CFAP74: variants seen among roughly 807,000 people sequenced by gnomAD.
CFAP74 encodes the protein cilia- and flagella-associated protein 74.
Under a neutral mutation model 188.9 loss-of-function variants are expected in CFAP74, and 124 were observed. The ratio of observed to expected loss-of-function variants is 0.66; its 90% confidence interval spans 0.57 to 0.76. CFAP74 has a LOEUF of 0.76. CFAP74 is among the 30% of genes least tolerant of loss of function. The probability of loss-of-function intolerance (pLI) is 0.00; values close to 1 mark genes in which losing one functional copy is unlikely to be tolerated. For missense variants in CFAP74, 2,198 were observed against 2,165.2 expected, an observed-to-expected ratio of 1.02 and a Z score of -0.30; for synonymous variants, 956 against 916.7, an observed-to-expected ratio of 1.04 and a Z score of -0.77.
chr1:1,963,380 G>T (rs1173805273), intron 14 of CFAP74, among the ~76,000 whole-genome samples: 1 of 142,942 alleles, frequency 7.0e-6, no homozygotes, highest in Non-Finnish European at 1.5e-5. Context: ...GAATCCAGGA[G>T]GTAGAGGTTG....
chr1:1,943,913 C>T (rs576571159), intron 21 of CFAP74, among the ~76,000 whole-genome samples: 3 of 152,160 alleles, frequency 2.0e-5, no homozygotes, highest in Non-Finnish European at 2.9e-5. Context: ...GCAGTGTCCC[C>T]GGGCTCGGGG....
At position 1,939,673 on chromosome 1, in the gene CFAP74, T is replaced by C. The variant is rs1270884657; in HGVS notation, c.2798A>G (p.Tyr933Cys). The C allele has an allele frequency of 5.9e-6, 9 of 1,535,896 alleles. No homozygotes were observed. Among genetic ancestry groups the C allele is most frequent in the South Asian group, 3.6e-5 (3 of 84,066 alleles). ...GCTGATTTCCGTCCTGATGGCCTCA[T>C]AGATGGTGCAGTAGCCAAAATCCAC... is the stretch of plus-strand genomic sequence containing the variant. The part of the protein sequence containing the change: ...SEVDFGYCTI[Y>C]EAIRTEISLH... The change falls in exon 24 of 39, where the codon TAT becomes TGT. Residue 933 changes from tyrosine to cysteine, a missense_variant. By Grantham distance (194) the Tyr-to-Cys change is radical. Transcript: ENST00000682832.
intron 10 of CFAP74, among the ~76,000 whole-genome samples, chr1:1,970,440 G>A (rs570615205): frequency 2.0e-4 from 30 of 152,284 alleles, no homozygotes; most frequent in Non-Finnish European, 3.1e-4. Context: ...AGGGTTGGGC[G>A]TGGACTGGAG....
chr1:1,980,779 C>A (rs1360182546), intron 6 of CFAP74, among the ~76,000 whole-genome samples: 1 of 152,192 alleles, frequency 6.6e-6, no homozygotes, highest in Non-Finnish European at 1.5e-5. Flanking sequence ...TCCACGGGGT[C>A]TCTCTCGGGC....
chr1:1,939,536 T>C, intron 24 of CFAP74, 58 bp downstream of exon 24: 1 of 1,477,672 alleles, frequency 6.8e-7, no homozygotes, highest in South Asian at 1.2e-5. Context: ...CGCTGCATCC[T>C]GTCCCCAGGA....
At chr1:1,946,561 G>A in intron 19 of CFAP74, 122 bp from the exon 20 acceptor site, 1 of 1,223,362 alleles carries the variant, frequency 8.2e-7, no homozygotes, top group Non-Finnish European at 1.1e-6. Flanking sequence ...TCCCTGGGTG[G>A]CCACTTGGCC....
intron 18 of CFAP74, among the ~76,000 whole-genome samples, chr1:1,951,628 G>C (rs1328220298): frequency 6.6e-6 from 1 of 152,090 alleles, no homozygotes; most frequent in African/African-American, 2.4e-5. Flanking sequence ...AGGTCCTCTG[G>C]TTTTCCATAT....
chr1:1,930,074 C>A lies in CFAP74; in HGVS notation c.3274G>T (p.Val1092Leu). 6.6e-7 allele frequency: 1 copy of A among 1,523,478 alleles called. No individual in the cohort carries two copies. Among genetic ancestry groups the A allele is most frequent in the Non-Finnish European group, 8.8e-7 (1 of 1,137,500 alleles). The allele number at this position is 1,523,478 out of a possible 1,614,324, so 94.4% of individuals were successfully genotyped here. A position where few individuals can be genotyped will look rare whatever the true frequency, so the allele number is the denominator to read the frequency against. ...CCCACACCCACCTTTCCTGGCCACA[C>A]GGTCCCCACTGAGGGCGAGATGGTG... ...PITISPSVGTVWPGKRCLVQV... is the reference protein window; with the variant it reads ...PITISPSVGTLWPGKRCLVQV... The change falls in exon 26 of 39, where the codon GTG becomes TTG. Residue 1092 changes from valine to leucine, a missense_variant. By Grantham distance (32) the Val-to-Leu change is conservative (BLOSUM62 1). Transcript: ENST00000682832.
chr1:1,947,549 A>G (rs1247972304), intron 18 of CFAP74, among the ~76,000 whole-genome samples: 1 of 152,248 alleles, frequency 6.6e-6, no homozygotes, highest in Non-Finnish European at 1.5e-5. Flanking sequence ...GCAGCTGGTC[A>G]GCAGCAAGGC....
rs55784504 is a variant in CFAP74, at chr1:1,968,942, G to A, written c.1047-109C>T. The A allele has an allele frequency of 2.6e-3, 1,485 of 571,752 alleles. 2 individuals are homozygous for A. Among genetic ancestry groups the A allele is most frequent in the Admixed American group, 4.9e-3 (135 of 27,464 alleles). The allele number at this position is 571,752 out of a possible 1,614,324, so 35.4% of individuals were successfully genotyped here. A position where few individuals can be genotyped will look rare whatever the true frequency, so the allele number is the denominator to read the frequency against. ...CCCTAGCGCCCTCCTGGGGGCTCCG[G>A]TCCTGCCCAGCAGCCCCAGGTGAGA... On this transcript the variant is annotated intron_variant, in intron 10 of 38. Coordinates refer to ENST00000682832, the MANE Select transcript of CFAP74 (RefSeq NM_001304360.2). The surrounding 1 kb of genome is among the most constrained non-coding windows in gnomAD (Gnocchi z 4.3).
chr1:1,991,105 A>C, intron 1 of CFAP74, 130 bp from the exon 2 acceptor site: 1 of 610,502 alleles, frequency 1.6e-6, no homozygotes, highest in Non-Finnish European at 2.9e-6. Context: ...TGCAGCACAC[A>C]CATATCTGAC....
chr1:1,942,991 C>T lies in CFAP74; in HGVS notation c.2487-835G>A, dbSNP rs1009284018. Among the ~76,000 whole-genome samples the T allele has an allele frequency of 4.6e-5, 7 of 152,188 alleles. No homozygotes were observed. The highest frequency in any genetic ancestry group is 5.9e-5 in the Non-Finnish European group (4 of 68,014). ...CACTACCCAGAGGCCACCCACAGTG[C>T]GTCTGGGCACGCCAGCCTCTGCACC... On this transcript the variant is annotated intron_variant, in intron 21 of 38. Coordinates refer to ENST00000682832, the MANE Select transcript of CFAP74 (RefSeq NM_001304360.2). This position sits in a 1 kb window ranked among gnomAD's most constrained non-coding sequence, Gnocchi z 4.3.
In CFAP74 at chr1:1,952,238, C is replaced by G. The variant is rs149676273; in HGVS notation, c.2176+3453G>C. 9.0e-4 allele frequency among the ~76,000 whole-genome samples: 137 copies of G among 152,134 alleles called. 2 individuals are homozygous for G. The East Asian group carries it at 0.019, about 22-fold the overall frequency. On this transcript the variant is annotated intron_variant, in intron 18 of 38. Transcript: ENST00000682832. Reference sequence around the variant, plus strand: ...AAAGTGCTGGGATTACAGGCGTGAGCCACTGGGCCCGACCAAGGTGTTTCC... The same window carrying G: ...AAAGTGCTGGGATTACAGGCGTGAGGCACTGGGCCCGACCAAGGTGTTTCC...
chr1:1,928,080 G>A lies in CFAP74; in HGVS notation c.3388-334C>T, dbSNP rs1363672259. Among the ~76,000 whole-genome samples, 2 of 152,276 alleles carry A rather than the reference G, an allele frequency of 1.3e-5. 1 individual carries two copies. ...CGAAGGCAAGTGCTTCCCCTCGAGTGCACGCCCAGGAGGAACCCAGGCCGG... is the reference window on the plus strand; with the variant it reads ...CGAAGGCAAGTGCTTCCCCTCGAGTACACGCCCAGGAGGAACCCAGGCCGG... On this transcript the variant is annotated intron_variant, in intron 27 of 38. Coordinates refer to ENST00000682832, the MANE Select transcript of CFAP74 (RefSeq NM_001304360.2).
At chr1:1,956,317 C>T (rs1473397649) in intron 17 of CFAP74, among the ~76,000 whole-genome samples, 2 of 152,152 alleles carry the variant, frequency 1.3e-5, no homozygotes, top group African/African-American at 2.4e-5. Flanking sequence ...TTCAGAGATG[C>T]GTCGGGGGAG....
chr1:1,940,614 T>C (rs375330304), intron 22 of CFAP74, among the ~76,000 whole-genome samples: 13 of 152,270 alleles, frequency 8.5e-5, no homozygotes, highest in Admixed American at 2.6e-4. Context: ...CTGGCGTGTC[T>C]AAGTAGCCAG....
intron 25 of CFAP74, among the ~76,000 whole-genome samples, chr1:1,937,045 C>T (rs1038871986): frequency 1.4e-4 from 21 of 152,154 alleles, no homozygotes; most frequent in African/African-American, 5.1e-4. Context: ...GTGTAAACGG[C>T]GAAGCAAACT....
chr1:1,996,588 T>C (rs1279973878), intron 1 of CFAP74, among the ~76,000 whole-genome samples: 1 of 152,096 alleles, frequency 6.6e-6, no homozygotes, highest in Non-Finnish European at 1.5e-5. Context: ...TAATCTCATG[T>C]GGGCTTCTAA....
chr1:1,996,711 C>T (rs138436574), intron 1 of CFAP74, among the ~76,000 whole-genome samples: 2,365 of 151,468 alleles, frequency 0.016, 63 homozygotes, highest in African/African-American at 0.054. Context: ...ACTTGAGGTC[C>T]GGAGTTTGAG....
Sources: gnomAD v4.1 joint callset for allele counts (sites outside exome capture counted in the v4.1 genomes callset) on GRCh38, gnomAD v4.1.1 for gene constraint, Gnocchi (gnomAD v3.1) non-coding constraint, MANE v1.5 for transcripts, NCBI Gene and HGNC (gene_info 2026-07-23, HGNC 2026-07-21) for gene names.